The following TSPAN12 variants were observed in gnomAD, a reference collection of about 807,000 sequenced individuals.
The protein encoded by TSPAN12 is tetraspanin-12.
Under a neutral mutation model 39.2 loss-of-function variants are expected in TSPAN12, and 19 were observed. The ratio of observed to expected loss-of-function variants is 0.49; its 90% CI spans 0.34 to 0.71. TSPAN12 has a LOEUF of 0.71. Ranked by LOEUF, TSPAN12 falls within the 30% of genes least tolerant of loss-of-function variation. The pLI is 0.01. For synonymous variants in TSPAN12, 119 were observed against 124.8 expected (o/e 0.95, Z 0.31); for missense variants, 314 against 359.9 (o/e 0.87, Z 1.03).
At chr7:120,827,891 C>T (rs904923343) in intron 4 of TSPAN12, among the ~76,000 whole-genome samples, 2 of 152,152 alleles carry the variant, frequency 1.3e-5, no homozygotes, top group African/African-American at 4.8e-5. Context: ...AATGTTGTAA[C>T]CCTCAGCAAG....
intron 2 of TSPAN12, among the ~76,000 whole-genome samples, chr7:120,844,179 G>A (rs1267609573): frequency 4.6e-5 from 7 of 152,108 alleles, no homozygotes; most frequent in Admixed American, 1.3e-4. Context: ...CAAGGGGAAA[G>A]TCCGTCTCCA....
rs1343651047 is a variant in TSPAN12 at position 120,787,975 on chromosome 7, T to C, written c.*617A>G. 1 of 154,102 alleles carries C rather than the reference T, an allele frequency of 6.5e-6. No homozygotes were observed. Among genetic ancestry groups the C allele is most frequent in the Non-Finnish European group, 1.4e-5 (1 of 69,162 alleles). The allele number at this position is 154,102 out of a possible 1,614,324, so 9.5% of individuals were successfully genotyped here. A position where few individuals can be genotyped will look rare whatever the true frequency, so the allele number is the denominator to read the frequency against. On this transcript the variant is annotated 3_prime_UTR_variant, in exon 8 of 8. Coordinates refer to ENST00000222747, the MANE Select transcript of TSPAN12 (RefSeq NM_012338.4). ...ATCAGAACTGAAATCGACTGAATTA[T>C]ACAGATTTAACACAGACTTATATAC... is the stretch of plus-strand genomic sequence containing the variant.
chr7:120,799,548 A>T (rs865821544), intron 7 of TSPAN12, among the ~76,000 whole-genome samples: 1 of 114,584 alleles, frequency 8.7e-6, no homozygotes, highest in Non-Finnish European at 1.7e-5. Context: ...ATATAATTAT[A>T]TATATAATTA....
chr7:120,842,341 C>A (rs1794593658), intron 2 of TSPAN12, among the ~76,000 whole-genome samples: 1 of 151,394 alleles, frequency 6.6e-6, no homozygotes, highest in East Asian at 1.9e-4. Context: ...TTGGACTGGG[C>A]AAGATTCAGA....
chr7:120,841,394 T>C (rs926424031), intron 2 of TSPAN12, among the ~76,000 whole-genome samples: 3 of 152,042 alleles, frequency 2.0e-5, no homozygotes, highest in African/African-American at 7.2e-5. Context: ...AATGACCTGC[T>C]TTCTTGAATT....
chr7:120,810,081 A>G (rs944338512), intron 6 of TSPAN12, among the ~76,000 whole-genome samples: 6 of 151,980 alleles, frequency 3.9e-5, no homozygotes, highest in Admixed American at 3.9e-4. Flanking sequence ...GAGAACAATC[A>G]TTTTTTTTAA....
intron 7 of TSPAN12, among the ~76,000 whole-genome samples, chr7:120,800,861 A>T (rs886143995): frequency 1.4e-5 from 2 of 140,952 alleles, no homozygotes; most frequent in Non-Finnish European, 3.0e-5. Context: ...TCCCAGGTTT[A>T]AGTGATTCTC....
chr7:120,835,935 T>C (rs2116455923), intron 4 of TSPAN12, among the ~76,000 whole-genome samples: 1 of 152,190 alleles, frequency 6.6e-6, no homozygotes, highest in East Asian at 1.9e-4. Context: ...AACCAGAGAA[T>C]AATGAAGTAG....
intron 4 of TSPAN12, among the ~76,000 whole-genome samples, chr7:120,837,932 C>CT (rs1361910710): frequency 6.6e-6 from 1 of 152,122 alleles, no homozygotes; most frequent in Non-Finnish European, 1.5e-5. Flanking sequence ...CAAATCTGAG[C>CT]TTTTTTTCTG....
At chr7:120,830,270 T>C (rs1233428884) in intron 4 of TSPAN12, among the ~76,000 whole-genome samples, 1 of 152,152 alleles carries the variant, frequency 6.6e-6, no homozygotes, top group African/African-American at 2.4e-5. Context: ...AACTCCAATG[T>C]CATTTTTTTA....
At chr7:120,843,310 A>C (rs886463730) in intron 2 of TSPAN12, among the ~76,000 whole-genome samples, 2 of 152,154 alleles carry the variant, frequency 1.3e-5, no homozygotes, top group African/African-American at 4.8e-5. Context: ...TGCTCTGGAG[A>C]ACCTAAAAAT....
At chr7:120,808,757 A>C (rs1040988689) in intron 6 of TSPAN12, among the ~76,000 whole-genome samples, 1 of 152,132 alleles carries the variant, frequency 6.6e-6, no homozygotes, top group Non-Finnish European at 1.5e-5. Flanking sequence ...GGAGCAAAGG[A>C]GACTGGCACC....
At chr7:120,802,280 C>G (rs1793789062) in intron 7 of TSPAN12, among the ~76,000 whole-genome samples, 1 of 152,172 alleles carries the variant, frequency 6.6e-6, no homozygotes, top group Non-Finnish European at 1.5e-5. Flanking sequence ...CGGGCCCAGA[C>G]CACCCAAGGG....
At chr7:120,796,644 T>A (rs1793636948) in intron 7 of TSPAN12, among the ~76,000 whole-genome samples, 1 of 152,164 alleles carries the variant, frequency 6.6e-6, no homozygotes, top group Non-Finnish European at 1.5e-5. Flanking sequence ...GTAGTCACCA[T>A]CTCAAAATTT....
intron 7 of TSPAN12, among the ~76,000 whole-genome samples, chr7:120,790,116 C>T (rs1333934761): frequency 6.6e-6 from 1 of 152,202 alleles, no homozygotes; most frequent in Non-Finnish European, 1.5e-5. Context: ...GGAACCCTCT[C>T]TGCAGGAGAG....
chr7:120,806,847 T>C (rs917179585), intron 6 of TSPAN12, among the ~76,000 whole-genome samples, 155 bp from the exon 7 acceptor site: 2 of 152,092 alleles, frequency 1.3e-5, no homozygotes, highest in Non-Finnish European at 2.9e-5. Flanking sequence ...GATAGAAATG[T>C]AGTAAAGGAA....
chr7:120,824,163 C>T (rs1015529614), intron 4 of TSPAN12, among the ~76,000 whole-genome samples: 1 of 151,348 alleles, frequency 6.6e-6, no homozygotes, highest in African/African-American at 2.4e-5. Flanking sequence ...ATTTCTTCTG[C>T]AATATTGCCC....
intron 4 of TSPAN12, among the ~76,000 whole-genome samples, chr7:120,817,913 T>C (rs188294064): frequency 1.0e-3 from 157 of 152,162 alleles, no homozygotes; most frequent in African/African-American, 3.7e-3. Context: ...ACATAATAGG[T>C]GTTCAACGAG....
chr7:120,788,724 G>C lies in TSPAN12; in HGVS notation c.786C>G (p.Ser262=). The part of the protein sequence containing the change: ...RREPGTDQMM[S]LKNDNSQHLS... Reference sequence around the variant, plus strand: ...GGTGCTGAGAGTTGTCATTCTTCAAGGACATCATTTGGTCTGTCCCCGGCT... The same window carrying C: ...GGTGCTGAGAGTTGTCATTCTTCAACGACATCATTTGGTCTGTCCCCGGCT... Residue 262 remains serine, a synonymous_variant, in exon 8 of 8, where the codon TCC becomes TCG. Coordinates refer to ENST00000222747, the MANE Select transcript of TSPAN12 (RefSeq NM_012338.4). 6.2e-7 allele frequency: 1 copy of C among 1,614,100 alleles called. No individual in the cohort carries two copies. The highest frequency in any genetic ancestry group is 8.5e-7 in the Non-Finnish European group (1 of 1,179,998).
Sources: gnomAD v4.1 joint callset for allele counts (sites outside exome capture counted in the v4.1 genomes callset) on GRCh38, gnomAD v4.1.1 for gene constraint, MANE v1.5 for transcripts, NCBI Gene and HGNC (gene_info 2026-07-23, HGNC 2026-07-21) for gene names.